Variants in TRPC6 observed in about 807,000 individuals in gnomAD.
TRPC6 encodes short transient receptor potential channel 6.
TRPC6 carries 55 observed loss-of-function variants against 90.7 expected under a neutral mutation model. That is an observed-to-expected ratio of 0.61 (90% CI 0.49 to 0.76). The LOEUF (loss-of-function observed/expected upper bound fraction) is 0.76. TRPC6 is among the 30% of genes least tolerant of loss of function. The probability of loss-of-function intolerance (pLI) is 0.00; values close to 1 mark genes in which losing one functional copy is unlikely to be tolerated. For synonymous variants in TRPC6, 393 were observed against 393.0 expected, an observed-to-expected ratio of 1.00 and a Z score of 0.00; for missense variants, 989 against 1,122.7, an observed-to-expected ratio of 0.88 and a Z score of 1.70.
intron 5 of TRPC6, among the ~76,000 whole-genome samples, chr11:101,478,193 T>G (rs1195063358): frequency 1.3e-5 from 2 of 152,248 alleles, no homozygotes; most frequent in Non-Finnish European, 2.9e-5. Context: ...GCACGTCATG[T>G]GCCTTTTCTT....
At chr11:101,520,424 CTAA>C (rs1373942625) in intron 1 of TRPC6, among the ~76,000 whole-genome samples, 1 of 152,012 alleles carries the variant, frequency 6.6e-6, no homozygotes, top group Non-Finnish European at 1.5e-5. Context: ...TGAGAACAAA[CTAA>C]TATAGAAAAT....
At position 101,506,328 on chromosome 11, in the gene TRPC6, C is replaced by T. The variant is rs115719560; in HGVS notation, c.171-1530G>A. ...CCAAGGGCCTCATAAGCTATCTTTC[C>T]CTCCAATATGTTCAGGTCTGGAGAA... On this transcript the variant is annotated intron_variant, in intron 1 of 12. Coordinates refer to ENST00000344327, the MANE Select transcript of TRPC6 (RefSeq NM_004621.6). Among the ~76,000 whole-genome samples, 535 of 149,126 alleles carry T rather than the reference C, an allele frequency of 3.6e-3. 4 individuals carry two copies. Among genetic ancestry groups the T allele is most frequent in the African/African-American group, 0.013 (505 of 38,578 alleles).
intron 1 of TRPC6, among the ~76,000 whole-genome samples, chr11:101,521,119 A>G (rs1860649236): frequency 6.6e-6 from 1 of 152,196 alleles, no homozygotes; most frequent in South Asian, 2.1e-4. Flanking sequence ...AGCCAAGACA[A>G]TGGGGAAAAT....
At chr11:101,548,280 A>AATT (rs1555011108) in intron 1 of TRPC6, among the ~76,000 whole-genome samples, 127 of 135,482 alleles carry the variant, frequency 9.4e-4, no homozygotes, top group Middle Eastern at 7.5e-3. Context: ...TATAATTTAT[A>AATT]TATATAATTA....
At chr11:101,465,103 T>A (rs1859110680) in intron 10 of TRPC6, among the ~76,000 whole-genome samples, 1 of 152,240 alleles carries the variant, frequency 6.6e-6, no homozygotes, top group African/African-American at 2.4e-5. Context: ...TTTAAGGATG[T>A]TGAATATTGG....
chr11:101,511,950 G>A (rs988940091), intron 1 of TRPC6, among the ~76,000 whole-genome samples: 2 of 152,022 alleles, frequency 1.3e-5, no homozygotes, highest in African/African-American at 2.4e-5. Context: ...CCGAGATCAC[G>A]CCACTGCACT....
At chr11:101,456,936 A>G (rs557715897) in intron 10 of TRPC6, among the ~76,000 whole-genome samples, 3 of 152,270 alleles carry the variant, frequency 2.0e-5, no homozygotes, top group South Asian at 4.1e-4. Flanking sequence ...TTCATAAAAA[A>G]CTTAATGATA....
chr11:101,549,743 A>C (rs542709476), intron 1 of TRPC6, among the ~76,000 whole-genome samples: 1 of 151,540 alleles, frequency 6.6e-6, no homozygotes, highest in Non-Finnish European at 1.5e-5. Flanking sequence ...ATGTCAAAAA[A>C]TAAATAAAAT....
intron 1 of TRPC6, among the ~76,000 whole-genome samples, chr11:101,513,674 C>T (rs552710573): frequency 1.3e-5 from 2 of 152,030 alleles, no homozygotes; most frequent in Non-Finnish European, 2.9e-5. Flanking sequence ...TTTAAGCTGT[C>T]AAGAAAGACA....
chr11:101,509,446 T>C (rs1210679018), intron 1 of TRPC6, among the ~76,000 whole-genome samples: 1 of 152,128 alleles, frequency 6.6e-6, no homozygotes, highest in African/African-American at 2.4e-5. Flanking sequence ...CAACTTTACT[T>C]GTATCTCAAT....
Position 101,476,376 on chromosome 11 carries a change from T to G in TRPC6, c.1669A>C (p.Ile557Leu). Residue 557 changes from isoleucine to leucine, a missense_variant, in exon 6 of 13, where the codon ATC becomes CTC. Coordinates refer to ENST00000344327, the MANE Select transcript of TRPC6 (RefSeq NM_004621.6). The stretch of plus-strand genomic sequence containing the variant: ...TTCAAAGTATCATTTGCGTCAATGA[T>G]GCTCTGGGCTTTGGAAGCATGCCAA... The part of the protein sequence containing the change: ...AFWHASKAQS[I>L]IDANDTLKDL... The G allele has an allele frequency of 6.2e-7, 1 of 1,614,124 alleles. No homozygotes were observed. Among genetic ancestry groups the G allele is most frequent in the Non-Finnish European group, 8.5e-7 (1 of 1,179,992 alleles).
At chr11:101,524,869 C>A (rs1016295855) in intron 1 of TRPC6, among the ~76,000 whole-genome samples, 16 of 152,196 alleles carry the variant, frequency 1.1e-4, no homozygotes, top group African/African-American at 3.9e-4. Flanking sequence ...GCCTGCAATA[C>A]TTTATAAATA....
chr11:101,492,061 G>A (rs535643969), intron 2 of TRPC6, among the ~76,000 whole-genome samples: 14 of 151,696 alleles, frequency 9.2e-5, no homozygotes, highest in Non-Finnish European at 5.9e-5. Flanking sequence ...GGATGGTTTC[G>A]ATCTCCTGAC....
intron 1 of TRPC6, among the ~76,000 whole-genome samples, chr11:101,520,412 T>C (rs1860629362): frequency 6.6e-6 from 1 of 152,148 alleles, no homozygotes; most frequent in Admixed American, 6.5e-5. Flanking sequence ...TTTAGAGCAA[T>C]GTGAGAACAA....
chr11:101,479,472 C>T (rs1008140479), intron 5 of TRPC6, among the ~76,000 whole-genome samples: 1 of 152,198 alleles, frequency 6.6e-6, no homozygotes, highest in African/African-American at 2.4e-5. Context: ...TGTCATTTAA[C>T]CTTTCAACTT....
rs148196866 is a variant in TRPC6 at position 101,501,652 on chromosome 11, G to A, written c.945+2372C>T. The stretch of plus-strand genomic sequence containing the variant: ...TTGTATGGCAGTTCTTTCATCTGCT[G>A]TCCAAACTAATCTCAGAGAAAAAGA... On this transcript the variant is annotated intron_variant, in intron 2 of 12. Transcript: ENST00000344327. Among the ~76,000 whole-genome samples, 8 of 152,198 alleles carry A rather than the reference G, an allele frequency of 5.3e-5. No individual in the cohort carries two copies. In the South Asian group the frequency reaches 1.0e-3, roughly 20 times the overall value.
chr11:101,583,908 C>T lies in TRPC6; in HGVS notation c.-405G>A, dbSNP rs543816716. On this transcript the variant is annotated 5_prime_UTR_variant, in exon 1 of 13. Coordinates refer to ENST00000344327, the MANE Select transcript of TRPC6 (RefSeq NM_004621.6). ...GCCCTCAGCTCCCGCCTTCATCCCC[C>T]GCACTCTCCGTCAAGATCCCCACCT... The T allele has an allele frequency of 3.0e-4, 52 of 171,724 alleles. 2 individuals carry two copies. Among genetic ancestry groups the T allele is most frequent in the Admixed American group, 2.3e-3 (37 of 15,814 alleles). 10.6% of individuals were successfully genotyped at this position (171,724 alleles called of 1,614,324 possible). A position where few individuals can be genotyped will look rare whatever the true frequency, so the allele number is the denominator to read the frequency against.
chr11:101,522,854 T>C (rs1379570515), intron 1 of TRPC6, among the ~76,000 whole-genome samples: 1 of 152,200 alleles, frequency 6.6e-6, no homozygotes, highest in Non-Finnish European at 1.5e-5. Flanking sequence ...AGCATTACAA[T>C]AGAATTATTT....
intron 1 of TRPC6, among the ~76,000 whole-genome samples, chr11:101,523,798 T>C (rs754665658): frequency 3.3e-4 from 50 of 152,248 alleles, no homozygotes; most frequent in Non-Finnish European, 6.6e-4. Flanking sequence ...ATTTAATGCA[T>C]GTACATACAA....
Sources: gnomAD v4.1 joint callset for allele counts (sites outside exome capture counted in the v4.1 genomes callset) on GRCh38, gnomAD v4.1.1 for gene constraint, MANE v1.5 for transcripts, NCBI Gene and HGNC (gene_info 2026-07-23, HGNC 2026-07-21) for gene names.